Variants in PSMA3 observed in about 807,000 individuals in gnomAD.
PSMA3 encodes proteasome 20S subunit alpha 3.
A neutral mutation model predicts 40.0 loss-of-function variants in PSMA3; 8 were observed. That is an observed-to-expected ratio of 0.20 (90% CI 0.12 to 0.36). The LOEUF (loss-of-function observed/expected upper bound fraction) is 0.36. Ranked by LOEUF, PSMA3 falls within the 10% of genes least tolerant of loss-of-function variation. The probability of loss-of-function intolerance (pLI) is 1.00; values close to 1 mark genes in which losing one functional copy is unlikely to be tolerated. For missense variants in PSMA3, 219 were observed against 310.6 expected (o/e 0.70, Z 2.22); for synonymous variants, 110 against 100.0 (o/e 1.10, Z -0.59).
chr14:58,245,224 A>G (rs1161278709), intron 1 of PSMA3: 3 of 458,670 alleles, frequency 6.5e-6, no homozygotes, highest in Non-Finnish European at 1.2e-5. Flanking sequence ...CACTTTCTTC[A>G]GCCACTTAGG....
intron 10 of PSMA3, 123 bp downstream of exon 10, chr14:58,271,121 T>G (rs898843317): frequency 3.9e-6 from 2 of 510,142 alleles, no homozygotes; most frequent in Non-Finnish European, 6.7e-6. Context: ...AAAAAAAAAA[T>G]TCTCTAACCA....
chr14:58,267,847 C>T (rs1376411670), intron 8 of PSMA3: 1 of 179,148 alleles, frequency 5.6e-6, no homozygotes, highest in Non-Finnish European at 1.1e-5. Context: ...TTAAGATTGC[C>T]TCTATTGTAA....
At chr14:58,251,990 T>C in intron 2 of PSMA3, 129 bp from the exon 3 acceptor site, 1 of 884,062 alleles carries the variant, frequency 1.1e-6, no homozygotes. Context: ...TTTCTCTTCC[T>C]GGTTTTCAAA....
At chr14:58,270,333 T>C in intron 8 of PSMA3, 85 bp from the exon 9 acceptor site, 1 of 1,548,662 alleles carries the variant, frequency 6.5e-7, no homozygotes, top group Non-Finnish European at 8.7e-7. Flanking sequence ...TGGATGGACA[T>C]TCTAATTTGT....
Position 58,270,409 on chromosome 14 carries a change from C to G in PSMA3, c.591-9C>G. ...TACCAAAATCTTACCTTTCCCTTTT[C>G]TATTCTAGAATTTACATAGTACATG... On this transcript the variant is annotated splice_polypyrimidine_tract_variant and intron_variant, in intron 8 of 10. Transcript: ENST00000216455. 3 of 1,612,918 alleles carry G rather than the reference C, an allele frequency of 1.9e-6. No homozygotes were observed. The African/African-American group carries it at 4.0e-5, about 22-fold the overall frequency.
chr14:58,268,526 A>C (rs1890512022), intron 8 of PSMA3, among the ~76,000 whole-genome samples: 1 of 152,082 alleles, frequency 6.6e-6, no homozygotes, highest in African/African-American at 2.4e-5. Context: ...GTTGTGAAGC[A>C]AGCAGAAGCC....
chr14:58,246,082 T>C (rs529688496), intron 1 of PSMA3, among the ~76,000 whole-genome samples: 2 of 152,356 alleles, frequency 1.3e-5, no homozygotes, highest in Non-Finnish European at 2.9e-5. Flanking sequence ...ATGGTAGGGT[T>C]AATGATCTGG....
At chr14:58,262,277 A>G (rs575467455) in intron 6 of PSMA3, among the ~76,000 whole-genome samples, 2 of 152,238 alleles carry the variant, frequency 1.3e-5, no homozygotes, top group South Asian at 2.1e-4. Context: ...ACTGGAGTGC[A>G]GTGGCGCCAA....
chr14:58,264,642 A>T (rs1420760105), intron 7 of PSMA3: 1 of 152,226 alleles, frequency 6.6e-6, no homozygotes, highest in East Asian at 1.9e-4. Context: ...CAACTTATTT[A>T]AGACCAGCTT....
chr14:58,244,845 T>G lies in PSMA3; in HGVS notation c.-76T>G. ...TTCAGCCAATGAGCGGGCCTGTTAC[T>G]AGTTTGCGGCATCCTGTGGTATAGG... On this transcript the variant is annotated 5_prime_UTR_variant, in exon 1 of 11. Coordinates refer to ENST00000216455, the MANE Select transcript of PSMA3 (RefSeq NM_002788.4). The G allele has an allele frequency of 1.3e-6, 2 of 1,592,452 alleles. No individual in the cohort carries two copies. Among genetic ancestry groups the G allele is most frequent in the Non-Finnish European group, 1.7e-6 (2 of 1,160,290 alleles).
intron 3 of PSMA3, among the ~76,000 whole-genome samples, chr14:58,253,058 T>C (rs1357871575): frequency 1.3e-5 from 2 of 151,464 alleles, no homozygotes; most frequent in African/African-American, 4.9e-5. Flanking sequence ...CATCTCAGCT[T>C]ATTGCAGCCT....
intron 2 of PSMA3, among the ~76,000 whole-genome samples, chr14:58,251,204 T>C (rs1239129092): frequency 2.6e-5 from 4 of 152,234 alleles, no homozygotes; most frequent in African/African-American, 7.2e-5. Flanking sequence ...ACTACCTTTA[T>C]CAAAAAGGAA....
At position 58,271,991 on chromosome 14, in the gene PSMA3, T is replaced by C. The variant is rs1438316966; in HGVS notation, c.*96T>C. 1 of 944,846 alleles carries C rather than the reference T, an allele frequency of 1.1e-6. No homozygotes were observed. The highest frequency in any genetic ancestry group is 1.6e-6 in the Non-Finnish European group (1 of 620,570). 58.5% of individuals were successfully genotyped at this position (944,846 alleles called of 1,614,324 possible). A position where few individuals can be genotyped will look rare whatever the true frequency, so the allele number is the denominator to read the frequency against. On this transcript the variant is annotated 3_prime_UTR_variant, in exon 11 of 11. Coordinates refer to ENST00000216455, the MANE Select transcript of PSMA3 (RefSeq NM_002788.4). Reference sequence around the variant, plus strand: ...TACATACTGTCCAATTTTCATTAAATTTTTGTCTTATAACTATTGAAGTTT... The same window carrying C: ...TACATACTGTCCAATTTTCATTAAACTTTTGTCTTATAACTATTGAAGTTT...
intron 9 of PSMA3, 67 bp from the exon 10 acceptor site, chr14:58,270,867 G>A (rs945444514): frequency 8.4e-6 from 11 of 1,305,904 alleles, no homozygotes; most frequent in Non-Finnish European, 1.2e-5. Context: ...TAGATCCTAT[G>A]GTATACTGCA....
chr14:58,266,061 A>T (rs1393425051), intron 7 of PSMA3: 1 of 152,228 alleles, frequency 6.6e-6, no homozygotes, highest in Non-Finnish European at 1.5e-5. Context: ...TAACTATTTC[A>T]AACTATCAAG....
At chr14:58,254,869 TAC>T (rs1890107991) in intron 3 of PSMA3, among the ~76,000 whole-genome samples, 1 of 152,244 alleles carries the variant, frequency 6.6e-6, no homozygotes, top group South Asian at 2.1e-4. Flanking sequence ...ACTTGGCACA[TAC>T]AGTTGTTGTG....
At chr14:58,252,619 G>A (rs1890037646) in intron 3 of PSMA3, among the ~76,000 whole-genome samples, 1 of 152,108 alleles carries the variant, frequency 6.6e-6, no homozygotes, top group Non-Finnish European at 1.5e-5. Flanking sequence ...TGGAACATCA[G>A]GAAAGGATGT....
intron 3 of PSMA3, among the ~76,000 whole-genome samples, chr14:58,255,206 CACAT>C (rs1890116720): frequency 2.0e-5 from 3 of 151,064 alleles, no homozygotes; most frequent in African/African-American, 7.3e-5. Flanking sequence ...TTTAAATACA[CACAT>C]AGTGAAAAAT....
At chr14:58,271,327 CTTTTTTT>C (rs60528514) in intron 10 of PSMA3, among the ~76,000 whole-genome samples, 1 of 102,396 alleles carries the variant, frequency 9.8e-6, no homozygotes, top group Admixed American at 1.3e-4. Flanking sequence ...AATATTTGTT[CTTTTTTT>C]TTTTTTTTTT....
Sources: allele counts gnomAD v4.1 joint callset (sites outside exome capture counted in the v4.1 genomes callset), GRCh38; gene constraint gnomAD v4.1.1; transcripts MANE v1.5; gene names NCBI Gene and HGNC (gene_info 2026-07-23, HGNC 2026-07-21).